The following CEP135 variants were observed in gnomAD, a reference collection of about 807,000 sequenced individuals.
CEP135 encodes centrosomal protein of 135 kDa.
Under a neutral mutation model 157.3 loss-of-function variants are expected in CEP135, and 142 were observed. The ratio of observed to expected loss-of-function variants is 0.90; its 90% CI spans 0.79 to 1.04. The LOEUF is 1.04. CEP135 is among the 50% of genes least tolerant of loss of function. The pLI is 0.00. For synonymous variants in CEP135, 396 were observed against 439.8 expected (o/e 0.90, Z 1.25); for missense variants, 1,317 against 1,309.2 (o/e 1.01, Z -0.09).
At chr4:55,970,588 A>T (rs1728999621) in intron 9 of CEP135, among the ~76,000 whole-genome samples, 1 of 152,152 alleles carries the variant, frequency 6.6e-6, no homozygotes, top group Non-Finnish European at 1.5e-5. Context: ...ATGTGCACTA[A>T]ATGTTGGATG....
rs1047522481 is a variant in CEP135 at position 56,021,250 on chromosome 4, C to T, written c.3320+470C>T. ...GTAACAGCAGTTAACAAATGTGGAC[C>T]AGACACTATATAAGTGTCTGATGAA... On this transcript the variant is annotated intron_variant, in intron 24 of 25. Transcript: ENST00000257287. Among the ~76,000 whole-genome samples the T allele has an allele frequency of 2.0e-5, 3 of 151,982 alleles. No homozygotes were observed. The South Asian group carries it at 6.2e-4, about 32-fold the overall frequency.
intron 25 of CEP135, among the ~76,000 whole-genome samples, chr4:56,030,253 A>G (rs187568901): frequency 2.1e-3 from 316 of 152,296 alleles, no homozygotes; most frequent in African/African-American, 7.3e-3. Flanking sequence ...AGGCTGCTTT[A>G]TAGTCAACAT....
chr4:56,009,925 T>C, intron 19 of CEP135, 22 bp downstream of exon 19: 2 of 1,603,378 alleles, frequency 1.2e-6, no homozygotes, highest in Non-Finnish European at 1.7e-6. Context: ...AGGCATAAAT[T>C]TTGATAGTTT....
At chr4:55,969,967 G>T (rs1472049152) in intron 9 of CEP135, among the ~76,000 whole-genome samples, 5 of 151,744 alleles carry the variant, frequency 3.3e-5, no homozygotes, top group Admixed American at 6.6e-5. Flanking sequence ...TGAACCCCTG[G>T]TGCTCAAGTG....
chr4:55,998,569 A>G (rs189651520), intron 15 of CEP135, among the ~76,000 whole-genome samples: 89 of 152,330 alleles, frequency 5.8e-4, no homozygotes, highest in African/African-American at 2.0e-3. Flanking sequence ...CAATATTAAA[A>G]GTTCACAGGT....
Position 55,952,184 on chromosome 4 carries a change from G to A in CEP135, c.54G>A (p.Gln18=). The A allele has an allele frequency of 6.2e-7, 1 of 1,613,684 alleles. No individual in the cohort carries two copies. Among genetic ancestry groups the A allele is most frequent in the Non-Finnish European group, 8.5e-7 (1 of 1,179,596 alleles). ...KYINIRKRLD[Q]LGYRQTLTVE... is the part of the protein sequence containing the mutation. ...TTAATATTAGGAAAAGGCTGGATCA[G>A]CTGGGATACCGCCAGACTCTGACAG... is the stretch of plus-strand genomic sequence containing the variant. Residue 18 remains glutamine (Q), a synonymous_variant, in exon 2 of 26, where the codon CAG becomes CAA. Transcript: ENST00000257287.
chr4:55,961,462 AT>A (rs1190476184), intron 6 of CEP135, among the ~76,000 whole-genome samples: 3 of 151,954 alleles, frequency 2.0e-5, no homozygotes, highest in Non-Finnish European at 4.4e-5. Context: ...TGTTTTCCCA[AT>A]TTATATAATA....
At chr4:55,983,314 T>TG (rs1442206088) in intron 13 of CEP135, among the ~76,000 whole-genome samples, 2 of 152,224 alleles carry the variant, frequency 1.3e-5, no homozygotes, top group African/African-American at 4.8e-5. Context: ...ACATTTGTAT[T>TG]ATCAGAATCC....
intron 24 of CEP135, among the ~76,000 whole-genome samples, chr4:56,023,157 C>T (rs912199545): frequency 6.6e-6 from 1 of 151,750 alleles, no homozygotes; most frequent in Non-Finnish European, 1.5e-5. Flanking sequence ...CGCTTGAGCC[C>T]AGGAGTTTGA....
intron 15 of CEP135, among the ~76,000 whole-genome samples, chr4:55,998,358 T>C (rs886580928): frequency 6.6e-6 from 1 of 152,180 alleles, no homozygotes; most frequent in Non-Finnish European, 1.5e-5. Context: ...TGTTAAACCT[T>C]CCAGGAACGT....
chr4:55,998,486 T>C lies in CEP135; in HGVS notation c.2010-816T>C, dbSNP rs892834351. 3.3e-5 allele frequency among the ~76,000 whole-genome samples: 5 copies of C among 152,208 alleles called. No individual in the cohort carries two copies. In the South Asian group the frequency reaches 1.0e-3, roughly 32 times the overall value. On this transcript the variant is annotated intron_variant, in intron 15 of 25. Transcript: ENST00000257287. ...TGCTCCCTGAACCAAGTCTTCAATCTGCAGGAAATGCCTACTTTCCCTGCT... is the reference window on the plus strand; with the variant it reads ...TGCTCCCTGAACCAAGTCTTCAATCCGCAGGAAATGCCTACTTTCCCTGCT...
chr4:56,018,993 G>A (rs1261630473), intron 22 of CEP135, among the ~76,000 whole-genome samples: 2 of 152,040 alleles, frequency 1.3e-5, no homozygotes, highest in Non-Finnish European at 2.9e-5. Context: ...CAGGTACTGA[G>A]AAACTATAAT....
chr4:56,008,160 A>T (rs1023706486), intron 17 of CEP135, among the ~76,000 whole-genome samples, 167 bp from the exon 18 acceptor site: 15 of 152,242 alleles, frequency 9.9e-5, no homozygotes, highest in African/African-American at 3.6e-4. Flanking sequence ...ACATGCCAGT[A>T]TGTGAAGTAT....
At chr4:55,972,627 C>G (rs1314374163) in intron 10 of CEP135, among the ~76,000 whole-genome samples, 2 of 152,216 alleles carry the variant, frequency 1.3e-5, no homozygotes, top group Admixed American at 6.5e-5. Flanking sequence ...GTTACTTAAG[C>G]TCTCTGTGCC....
intron 17 of CEP135, among the ~76,000 whole-genome samples, chr4:56,005,498 C>T (rs192932323): frequency 4.6e-5 from 7 of 152,256 alleles, no homozygotes; most frequent in African/African-American, 1.2e-4. Flanking sequence ...TTATCTCCCT[C>T]GCATTTTGAC....
chr4:56,001,693 G>A (rs1286803729), intron 17 of CEP135, among the ~76,000 whole-genome samples: 1 of 152,018 alleles, frequency 6.6e-6, no homozygotes, highest in East Asian at 1.9e-4. Flanking sequence ...GCGATCTCCA[G>A]CTTTGTTTTT....
chr4:55,952,217 T>C lies in CEP135; in HGVS notation c.87T>C (p.Cys29=). The C allele has an allele frequency of 1.9e-6, 3 of 1,612,050 alleles. No individual in the cohort carries two copies. Among genetic ancestry groups the C allele is most frequent in the Non-Finnish European group, 2.5e-6 (3 of 1,178,252 alleles). ...LGYRQTLTVE[C]LPLVEKLFSD... ...ACCGCCAGACTCTGACAGTGGAGTG[T>C]TTACCTTTGGTAGAAAAACTTTTCA... The change falls in exon 2 of 26, where the codon TGT becomes TGC. Residue 29 remains cysteine, a synonymous_variant. Coordinates refer to ENST00000257287, the MANE Select transcript of CEP135 (RefSeq NM_025009.5).
chr4:55,969,075 A>C lies in CEP135; in HGVS notation c.1057A>C (p.Arg353=), dbSNP rs1560402495. Residue 353 remains arginine, a synonymous_variant, in exon 9 of 26, where the codon AGA becomes CGA. Transcript: ENST00000257287. ...ELGEAKKEIK[R]KLSEMQDLEE... ...TTTTTATTCCTAGAAAGAGATTAAA[A>C]GAAAGCTCTCTGAAATGCAGGATCT... 1 of 1,612,466 alleles carries C rather than the reference A, an allele frequency of 6.2e-7. No individual in the cohort carries two copies. Among genetic ancestry groups the C allele is most frequent in the Non-Finnish European group, 8.5e-7 (1 of 1,179,172 alleles).
intron 2 of CEP135, 152 bp from the exon 3 acceptor site, chr4:55,952,933 A>G: frequency 1.7e-6 from 1 of 571,604 alleles, no homozygotes; most frequent in Non-Finnish European, 2.8e-6. Context: ...TAAATCTTAC[A>G]GGACTACTCT....
Sources: gnomAD v4.1 joint callset for allele counts (sites outside exome capture counted in the v4.1 genomes callset) on GRCh38, gnomAD v4.1.1 for gene constraint, MANE v1.5 for transcripts, NCBI Gene and HGNC (gene_info 2026-07-23, HGNC 2026-07-21) for gene names.